CIB3: variants seen among roughly 807,000 people sequenced by gnomAD.
CIB3 encodes calcium and integrin-binding family member 3.
CIB3 carries 22 observed loss-of-function variants against 23.4 expected under a neutral mutation model. The ratio of observed to expected loss-of-function variants is 0.94; its 90% CI spans 0.67 to 1.34. The LOEUF (loss-of-function observed/expected upper bound fraction) is 1.34. Among genes scored for constraint, CIB3 ranks in the 40% most tolerant of loss-of-function variants. CIB3 has a pLI of 0.00. For missense variants in CIB3, 258 were observed against 247.3 expected, an observed-to-expected ratio of 1.04 and a Z score of -0.29; for synonymous variants, 93 against 95.8, an observed-to-expected ratio of 0.97 and a Z score of 0.17.
chr19:16,166,674 G>A lies in CIB3; in HGVS notation c.346+1463C>T, dbSNP rs548144132. On this transcript the variant is annotated intron_variant, in intron 4 of 5. Coordinates refer to ENST00000269878, the MANE Select transcript of CIB3 (RefSeq NM_054113.4). ...CTCAACAAGTATTAGTGTCTACTGT[G>A]TGCCAGGTACTCTGATAACTTTTTC... Among the ~76,000 whole-genome samples, 5 of 152,280 alleles carry A rather than the reference G, an allele frequency of 3.3e-5. No individual in the cohort carries two copies. The East Asian group carries it at 9.6e-4, about 29-fold the overall frequency.
At chr19:16,171,366 C>G (rs561094574) in intron 2 of CIB3, among the ~76,000 whole-genome samples, 1 of 152,188 alleles carries the variant, frequency 6.6e-6, no homozygotes, top group South Asian at 2.1e-4. Context: ...GACACCATAC[C>G]TTCATTAGGG....
chr19:16,169,658 T>A lies in CIB3; in HGVS notation c.170A>T (p.Glu57Val), dbSNP rs992542664. 6.2e-7 allele frequency: 1 copy of A among 1,613,624 alleles called. No homozygotes were observed. The highest frequency in any genetic ancestry group is 8.5e-7 in the Non-Finnish European group (1 of 1,179,790). ...CAGCTCGGGCATGCTGCCAATGAGC[T>A]CGTAGGGCACCTTCACATCGGGGCA... ...TTCPDVKVPY[E>V]LIGSMPELKD... The change falls in exon 3 of 6, where the codon GAG becomes GTG. Residue 57 changes from glutamate to valine, a missense_variant. Coordinates refer to ENST00000269878, the MANE Select transcript of CIB3 (RefSeq NM_054113.4).
Position 16,173,173 on chromosome 19 carries a change from C to CT in CIB3, c.74dup (p.Glu26GlyfsTer55). Reference sequence around the variant, plus strand: ...CTCCCTGGACTGACCTCATGATCTCCTTCCTTGTGAAAAATGTGCAGTCCT... The same window carrying CT: ...CTCCCTGGACTGACCTCATGATCTCCTTTCCTTGTGAAAAATGTGCAGTCCT... On this transcript the variant is annotated frameshift_variant, in exon 2 of 6. Transcript: ENST00000269878. LOFTEE classifies it high-confidence loss of function. The CT allele has an allele frequency of 6.2e-7, 1 of 1,613,796 alleles. No homozygotes were observed. Among genetic ancestry groups the CT allele is most frequent in the African/African-American group, 1.3e-5 (1 of 74,920 alleles).
rs998359211 is a variant in CIB3 at position 16,173,020 on chromosome 19, A to G, written c.86+142T>C. 8.8e-5 allele frequency: 91 copies of G among 1,029,316 alleles called. 1 individual carries two copies. The highest frequency in any genetic ancestry group is 1.2e-4 in the Non-Finnish European group (85 of 696,344). The allele number at this position is 1,029,316 out of a possible 1,614,324, so 63.8% of individuals were successfully genotyped here. A position where few individuals can be genotyped will look rare whatever the true frequency, so the allele number is the denominator to read the frequency against. ...GAGGGAGAGAGAGAGAGAAAAGAGA[A>G]AGAAAGAAAGAAAGACTACTTACAC... is the stretch of plus-strand genomic sequence containing the variant. On this transcript the variant is annotated intron_variant, in intron 2 of 5. Coordinates refer to ENST00000269878, the MANE Select transcript of CIB3 (RefSeq NM_054113.4).
Position 16,168,179 on chromosome 19 carries a change from C to G in CIB3, c.304G>C (p.Ala102Pro), listed in dbSNP as rs372985211. Residue 102 changes from alanine to proline, a missense_variant, in exon 4 of 6, where the codon GCT becomes CCT. By Grantham distance (27) the Ala-to-Pro change is conservative (BLOSUM62 -1). Coordinates refer to ENST00000269878, the MANE Select transcript of CIB3 (RefSeq NM_054113.4). ...TAGTAAGCCTTGAGGTCGCGGGGAG[C>G]CATTTCACTCATCACGGAAAACATG... ...LDMFSVMSEMAPRDLKAYYAF... is the reference protein window; with the variant it reads ...LDMFSVMSEMPPRDLKAYYAF... The G allele has an allele frequency of 1.2e-5, 19 of 1,612,196 alleles. No homozygotes were observed. Among genetic ancestry groups the G allele is most frequent in the Non-Finnish European group, 1.4e-5 (17 of 1,179,318 alleles).
chr19:16,162,447 GC>G (rs1027215737), intron 5 of CIB3, among the ~76,000 whole-genome samples: 16 of 150,534 alleles, frequency 1.1e-4, no homozygotes, highest in African/African-American at 3.9e-4. Flanking sequence ...CACTGCCTCA[GC>G]TTATAGATAA....
intron 5 of CIB3, among the ~76,000 whole-genome samples, chr19:16,162,535 T>G (rs964698650): frequency 6.6e-6 from 1 of 152,154 alleles, no homozygotes; most frequent in Admixed American, 6.5e-5. Flanking sequence ...ACAGATCACC[T>G]GAGGTCAGGA....
chr19:16,161,523 G>A (rs2091284807), intron 5 of CIB3, 37 bp from the exon 6 acceptor site: 1 of 1,612,710 alleles, frequency 6.2e-7, no homozygotes, highest in Admixed American at 1.7e-5. Flanking sequence ...GGCCTTCAAG[G>A]AGTGGACAAC....
At chr19:16,169,458 C>G (rs2091318918) in intron 3 of CIB3, among the ~76,000 whole-genome samples, 172 bp downstream of exon 3, 2 of 152,090 alleles carry the variant, frequency 1.3e-5, no homozygotes, top group Admixed American at 1.3e-4. Context: ...TGGGTTTTAA[C>G]CCTGTCTCTG....
chr19:16,161,447 G>T lies in CIB3; in HGVS notation c.*18C>A, dbSNP rs759646559. On this transcript the variant is annotated 3_prime_UTR_variant, in exon 6 of 6. Coordinates refer to ENST00000269878, the MANE Select transcript of CIB3 (RefSeq NM_054113.4). ...GGGTCACCCCGCCCTCCTATAGCTC[G>T]GCTCCTCTGTGGTGCCATCAGATTC... 5 of 1,613,918 alleles carry T rather than the reference G, an allele frequency of 3.1e-6. No individual in the cohort carries two copies. In the Admixed American group the frequency reaches 5.0e-5, roughly 16 times the overall value.
At position 16,168,285 on chromosome 19, in the gene CIB3, C is replaced by G. The variant is rs755252204; in HGVS notation, c.199-1G>C. The G allele has an allele frequency of 4.3e-6, 7 of 1,613,490 alleles. No individual in the cohort carries two copies. The highest frequency in any genetic ancestry group is 1.3e-5 in the African/African-American group (1 of 74,934). On this transcript the variant is annotated splice_acceptor_variant, in intron 3 of 5. Transcript: ENST00000269878. LOFTEE classifies it high-confidence loss of function. ...CAATCCTCTGGCGGAAGGGGTTGTCCTGGGGACAGAAAGGAAGCTGGGAGG... is the reference window on the plus strand; with the variant it reads ...CAATCCTCTGGCGGAAGGGGTTGTCGTGGGGACAGAAAGGAAGCTGGGAGG...
In CIB3 at chr19:16,171,885, C is replaced by A. The variant is rs569661257; in HGVS notation, c.86+1277G>T. On this transcript the variant is annotated intron_variant, in intron 2 of 5. Coordinates refer to ENST00000269878, the MANE Select transcript of CIB3 (RefSeq NM_054113.4). ...GTTACTACACAACTGGGGCCTTGGCCCCGATCACACTGCAGCTGAACCCTG... is the reference window on the plus strand; with the variant it reads ...GTTACTACACAACTGGGGCCTTGGCACCGATCACACTGCAGCTGAACCCTG... Among the ~76,000 whole-genome samples, 47 of 152,354 alleles carry A rather than the reference C, an allele frequency of 3.1e-4. 1 individual carries two copies. Among genetic ancestry groups the A allele is most frequent in the African/African-American group, 1.1e-3 (47 of 41,592 alleles).
intron 2 of CIB3, among the ~76,000 whole-genome samples, chr19:16,171,568 AC>A (rs577129602): frequency 1.7e-4 from 26 of 152,174 alleles, no homozygotes; most frequent in Admixed American, 1.4e-3. Context: ...ATCAGGGAAT[AC>A]CCTGGGTTTA....
chr19:16,164,060 T>C (rs2091295625), intron 5 of CIB3, among the ~76,000 whole-genome samples: 1 of 152,174 alleles, frequency 6.6e-6, no homozygotes, highest in Non-Finnish European at 1.5e-5. Context: ...GGCCTTGACC[T>C]CCTGGGCTCA....
Position 16,165,587 on chromosome 19 carries a change from G to A in CIB3, c.347-674C>T, listed in dbSNP as rs548304769. ...GCCTCCCAAGTAGCTGGGATTACAG[G>A]TGCCTGCCACCATGCCCGGCTAATT... On this transcript the variant is annotated intron_variant, in intron 4 of 5. Coordinates refer to ENST00000269878, the MANE Select transcript of CIB3 (RefSeq NM_054113.4). 4.2e-4 allele frequency among the ~76,000 whole-genome samples: 64 copies of A among 152,126 alleles called. No homozygotes were observed. In the East Asian group the frequency reaches 0.012, roughly 29 times the overall value.
chr19:16,173,395 C>A, intron 1 of CIB3, 30 bp downstream of exon 1: 1 of 1,608,182 alleles, frequency 6.2e-7, no homozygotes, highest in African/African-American at 1.3e-5. Context: ...GTTGTCAAAC[C>A]CACTGAGGAC....
In CIB3 at chr19:16,173,189, G is replaced by T; in HGVS notation, c.59C>A (p.Thr20Lys). ...HEQLEAYQDC[T>K]FFTRKEIMRL... ...CATGATCTCCTTCCTTGTGAAAAATGTGCAGTCCTGTGGAGAGAGGTGTTG... is the reference window on the plus strand; with the variant it reads ...CATGATCTCCTTCCTTGTGAAAAATTTGCAGTCCTGTGGAGAGAGGTGTTG... The change falls in exon 2 of 6, where the codon ACA becomes AAA. Residue 20 changes from threonine (T) to lysine (K), a missense_variant. Thr to Lys is a moderately conservative substitution (Grantham distance 78). Transcript: ENST00000269878. 1.2e-6 allele frequency: 2 copies of T among 1,613,842 alleles called. No individual in the cohort carries two copies. Among genetic ancestry groups the T allele is most frequent in the South Asian group, 2.2e-5 (2 of 91,060 alleles).
intron 4 of CIB3, 96 bp from the exon 5 acceptor site, chr19:16,165,009 T>A: frequency 9.1e-7 from 1 of 1,098,638 alleles, no homozygotes; most frequent in Non-Finnish European, 1.4e-6. Flanking sequence ...AAGGGGAAAC[T>A]AAGGTCGGGC....
intron 4 of CIB3, 100 bp downstream of exon 4, chr19:16,168,037 C>CA: frequency 4.1e-6 from 6 of 1,468,260 alleles, no homozygotes; most frequent in Non-Finnish European, 5.5e-6. Flanking sequence ...CATAGGGCCT[C>CA]AAAACCCCTG....
Sources: allele counts gnomAD v4.1 joint callset (sites outside exome capture counted in the v4.1 genomes callset), GRCh38; gene constraint gnomAD v4.1.1; transcripts MANE v1.5; gene names NCBI Gene and HGNC (gene_info 2026-07-23, HGNC 2026-07-21).